Variants in ZNF407 observed in about 807,000 individuals in gnomAD.
ZNF407 encodes the protein zinc finger protein 407.
ZNF407 carries 17 observed loss-of-function variants against 131.2 expected under a neutral mutation model. The ratio of observed to expected loss-of-function variants is 0.13; its 90% CI spans 0.09 to 0.19. ZNF407 has a LOEUF of 0.19. Ranked by LOEUF, ZNF407 falls within the 10% of genes least tolerant of loss-of-function variation. The pLI, the probability that ZNF407 is intolerant of heterozygous loss-of-function variation, is 1.00. For synonymous variants in ZNF407, 1,156 were observed against 1,062.0 expected (o/e 1.09, Z -1.72); for missense variants, 2,681 against 2,830.6 (o/e 0.95, Z 1.20).
rs71170334 is a variant in ZNF407, at chr18:74,999,348, T to TAA, written c.5429-63776_5429-63775dup. On this transcript the variant is annotated intron_variant, in intron 8 of 8. Transcript: ENST00000299687. The stretch of plus-strand genomic sequence containing the variant: ...ATGTACCCTAAAACTTAGAGTATAA[T>TAA]AAAAAAAAAAAAAAAAAAAAAAAAA... Among the ~76,000 whole-genome samples the TAA allele has an allele frequency of 9.9e-3, 598 of 60,484 alleles. 16 individuals are homozygous for TAA. The highest frequency in any genetic ancestry group is 0.017 in the African/African-American group (328 of 19,538). 39.7% of individuals were successfully genotyped at this position (60,484 alleles called of 152,430 possible). A position where few individuals can be genotyped will look rare whatever the true frequency, so the allele number is the denominator to read the frequency against.
rs771254494 is a variant in ZNF407 at position 75,063,819 on chromosome 18, C to T, written c.6098C>T (p.Ala2033Val). 3.1e-6 allele frequency: 5 copies of T among 1,607,308 alleles called. No individual in the cohort carries two copies. In the South Asian group the frequency reaches 3.3e-5, roughly 11 times the overall value. Residue 2033 changes from alanine (A) to valine (V), a missense_variant, in exon 9 of 9, where the codon GCC (alanine) becomes GTC (valine). By Grantham distance (64) the Ala-to-Val change is moderately conservative (BLOSUM62 0). This residue lies in a region of ZNF407 where 620 missense variants were observed against 583.1 expected (regional missense o/e 1.06). Transcript: ENST00000299687. The surrounding 1 kb of genome is among the most constrained non-coding windows in gnomAD (Gnocchi z 6.6). The part of the protein sequence containing the change: ...LPGQEVSHVA[A>V]DPEAPEIQMF... ...GGGCAGGAGGTCTCCCATGTGGCTG[C>T]CGACCCCGAGGCCCCCGAGATCCAG...
intron 3 of ZNF407, among the ~76,000 whole-genome samples, chr18:74,714,348 A>G (rs1463400492): frequency 6.6e-6 from 1 of 152,244 alleles, no homozygotes; most frequent in Non-Finnish European, 1.5e-5. Flanking sequence ...CTAGGAAGCA[A>G]AGTACCAGGG....
chr18:74,790,289 T>C (rs776864000), intron 4 of ZNF407, among the ~76,000 whole-genome samples: 12 of 152,204 alleles, frequency 7.9e-5, no homozygotes, highest in Non-Finnish European at 1.8e-4. Context: ...GCCTCTTATA[T>C]AGAAATAAGA....
chr18:74,767,462 TTTA>T (rs1298110550), intron 3 of ZNF407, among the ~76,000 whole-genome samples: 1 of 152,106 alleles, frequency 6.6e-6, no homozygotes, highest in Non-Finnish European at 1.5e-5. Flanking sequence ...TTTATAAACT[TTTA>T]TTATTAAGTG....
intron 8 of ZNF407, among the ~76,000 whole-genome samples, chr18:74,987,372 G>A (rs890157750): frequency 6.6e-6 from 1 of 152,120 alleles, no homozygotes; most frequent in African/African-American, 2.4e-5. Flanking sequence ...ATTATTATAG[G>A]TCTTACTGTA....
At chr18:74,821,588 C>A (rs1248882111) in intron 4 of ZNF407, among the ~76,000 whole-genome samples, 3 of 152,074 alleles carry the variant, frequency 2.0e-5, no homozygotes, top group African/African-American at 7.2e-5. Context: ...TGTACCTGCA[C>A]AGGACATGAA....
chr18:74,743,072 G>T (rs1350647837), intron 3 of ZNF407, among the ~76,000 whole-genome samples: 2 of 152,114 alleles, frequency 1.3e-5, no homozygotes, highest in Non-Finnish European at 2.9e-5. Context: ...GGAATTGGAG[G>T]AGTGAAGATT....
intron 8 of ZNF407, among the ~76,000 whole-genome samples, chr18:74,944,959 A>G (rs534737879): frequency 4.1e-4 from 62 of 152,206 alleles, no homozygotes; most frequent in Non-Finnish European, 6.8e-4. Context: ...GTTGATTTCC[A>G]CCTGTATTTC....
chr18:74,790,437 G>T (rs1249845462), intron 4 of ZNF407, among the ~76,000 whole-genome samples: 2 of 152,138 alleles, frequency 1.3e-5, no homozygotes, highest in African/African-American at 4.8e-5. Context: ...CTACCATTTA[G>T]TCTGATAGTA....
intron 8 of ZNF407, among the ~76,000 whole-genome samples, chr18:74,978,213 C>T (rs1972549861): frequency 1.3e-5 from 2 of 152,008 alleles, no homozygotes; most frequent in African/African-American, 2.4e-5. Flanking sequence ...GATTTGGATG[C>T]GAGAAAATAG....
At chr18:74,964,584 T>G (rs1972388210) in intron 8 of ZNF407, among the ~76,000 whole-genome samples, 1 of 151,222 alleles carries the variant, frequency 6.6e-6, no homozygotes, top group Admixed American at 6.6e-5. Context: ...ATCCGGGTTT[T>G]TTTTTTTTTT....
intron 3 of ZNF407, among the ~76,000 whole-genome samples, chr18:74,758,885 A>T (rs1310231519): frequency 6.6e-6 from 1 of 152,176 alleles, no homozygotes; most frequent in African/African-American, 2.4e-5. Flanking sequence ...TGGCCAAAAA[A>T]TATATTTATA....
intron 3 of ZNF407, among the ~76,000 whole-genome samples, chr18:74,692,870 TCTC>T (rs1288157282): frequency 1.3e-5 from 2 of 152,274 alleles, no homozygotes; most frequent in African/African-American, 2.4e-5. Context: ...TGGTTGCCCT[TCTC>T]CTGCTGTGTG....
intron 3 of ZNF407, among the ~76,000 whole-genome samples, chr18:74,720,347 AT>A (rs199949124): frequency 3.5e-3 from 488 of 139,870 alleles, no homozygotes; most frequent in East Asian, 0.012. Flanking sequence ...TTTAAATAGG[AT>A]TTTTTTTTTT....
At chr18:74,617,125 T>C (rs1983344235) in intron 1 of ZNF407, among the ~76,000 whole-genome samples, 12 of 127,554 alleles carry the variant, frequency 9.4e-5, no homozygotes, top group African/African-American at 1.2e-4. Context: ...ACCACACACA[T>C]CCATATCCAC....
At chr18:75,023,343 T>C (rs1973134014) in intron 8 of ZNF407, among the ~76,000 whole-genome samples, 1 of 152,158 alleles carries the variant, frequency 6.6e-6, no homozygotes, top group Admixed American at 6.5e-5. Flanking sequence ...AAGCCTTGAA[T>C]TAACTATTCA....
At chr18:74,761,848 C>A (rs1969102990) in intron 3 of ZNF407, among the ~76,000 whole-genome samples, 1 of 152,012 alleles carries the variant, frequency 6.6e-6, no homozygotes, top group African/African-American at 2.4e-5. Flanking sequence ...GTAAACAATA[C>A]CAAATAAAAT....
chr18:74,802,926 GT>G (rs1377350813), intron 4 of ZNF407, among the ~76,000 whole-genome samples: 1 of 151,688 alleles, frequency 6.6e-6, no homozygotes, highest in African/African-American at 2.4e-5. Flanking sequence ...TTTTGTTGTT[GT>G]TTTTTTCTTT....
intron 3 of ZNF407, among the ~76,000 whole-genome samples, chr18:74,716,573 C>T (rs1460341655): frequency 6.6e-6 from 1 of 152,106 alleles, no homozygotes; most frequent in Non-Finnish European, 1.5e-5. Flanking sequence ...TGGAGTTTTA[C>T]ATGTAAAACT....
Sources: gnomAD v4.1 joint callset for allele counts (sites outside exome capture counted in the v4.1 genomes callset) on GRCh38, gnomAD v4.1.1 for gene constraint, gnomAD v4.1.1 regional missense constraint, Gnocchi (gnomAD v3.1) non-coding constraint, MANE v1.5 for transcripts, NCBI Gene and HGNC (gene_info 2026-07-23, HGNC 2026-07-21) for gene names.